CLASP2: variants seen among roughly 807,000 people sequenced by gnomAD.
The protein encoded by CLASP2 is CLIP-associating protein 2.
CLASP2 carries 47 observed loss-of-function variants against 194.4 expected under a neutral mutation model. The observed-to-expected ratio is 0.24, with a 90% CI of 0.19 to 0.31. The LOEUF is 0.31. Among genes scored for constraint, CLASP2 ranks in the 10% least tolerant of loss-of-function variants. CLASP2 has a pLI of 1.00. For missense variants in CLASP2, 1,445 were observed against 1,823.6 expected (o/e 0.79, Z 3.78); for synonymous variants, 619 against 633.5 (o/e 0.98, Z 0.34).
At chr3:33,515,419 C>G (rs532225826) in intron 36 of CLASP2, among the ~76,000 whole-genome samples, 1 of 152,282 alleles carries the variant, frequency 6.6e-6, no homozygotes, top group South Asian at 2.1e-4. Flanking sequence ...TATAGCTCCT[C>G]TAGGCAATTT....
chr3:33,648,102 AAAG>A (rs1229957134), intron 7 of CLASP2, among the ~76,000 whole-genome samples: 2 of 152,144 alleles, frequency 1.3e-5, no homozygotes, highest in African/African-American at 2.4e-5. Flanking sequence ...GATTAACTGA[AAAG>A]AAGAGATACA....
chr3:33,536,800 A>G (rs2057421767), intron 33 of CLASP2, among the ~76,000 whole-genome samples: 1 of 152,194 alleles, frequency 6.6e-6, no homozygotes, highest in African/African-American at 2.4e-5. Flanking sequence ...TCTGCAGTGG[A>G]GACAAAAGAT....
At chr3:33,575,024 G>T (rs1223342468) in intron 24 of CLASP2, among the ~76,000 whole-genome samples, 1 of 152,070 alleles carries the variant, frequency 6.6e-6, no homozygotes, top group Non-Finnish European at 1.5e-5. Flanking sequence ...TAACATTTAT[G>T]TAAGCAGAAT....
At position 33,544,782 on chromosome 3, in the gene CLASP2, T is replaced by C. The variant is rs758338577; in HGVS notation, c.3213A>G (p.Leu1071=). 3.1e-6 allele frequency: 5 copies of C among 1,613,470 alleles called. No individual in the cohort carries two copies. The South Asian group carries it at 4.4e-5, about 14-fold the overall frequency. The change falls in exon 31 of 39, where the codon TTA becomes TTG. Residue 1071 remains leucine (L), a synonymous_variant. Coordinates refer to ENST00000682230, the MANE Select transcript of CLASP2 (RefSeq NM_001365631.1). ...GAAAAGTTTTTGGTAAAGCTCCTAATAACATTGTAAACTCTGGGGTATTGA... is the reference window on the plus strand; with the variant it reads ...GAAAAGTTTTTGGTAAAGCTCCTAACAACATTGTAAACTCTGGGGTATTGA... The part of the protein sequence containing the change: ...FELNTPEFTM[L]LGALPKTFQD...
intron 34 of CLASP2, among the ~76,000 whole-genome samples, chr3:33,518,338 G>T (rs997294858): frequency 6.6e-6 from 1 of 152,178 alleles, no homozygotes; most frequent in Non-Finnish European, 1.5e-5. Flanking sequence ...AGGAATAACA[G>T]TTAAATCTAA....
intron 1 of CLASP2, among the ~76,000 whole-genome samples, chr3:33,702,209 C>T (rs989941436): frequency 6.6e-6 from 1 of 152,144 alleles, no homozygotes; most frequent in African/African-American, 2.4e-5. Context: ...AGTTGGAAGA[C>T]TCAAATTTCC....
intron 23 of CLASP2, chr3:33,577,251 A>T: frequency 1.9e-6 from 3 of 1,598,122 alleles, no homozygotes; most frequent in Non-Finnish European, 2.5e-6. Flanking sequence ...TTGATCTGGA[A>T]TGGTGTCTGG....
chr3:33,683,622 C>CA (rs1287343228), intron 6 of CLASP2: 3 of 151,958 alleles, frequency 2.0e-5, no homozygotes, highest in Non-Finnish European at 4.4e-5. Flanking sequence ...ACAAACAAAA[C>CA]AAAAAAAATT....
At chr3:33,551,503 C>T in intron 29 of CLASP2, 108 bp from the exon 30 acceptor site, 1 of 1,064,604 alleles carries the variant, frequency 9.4e-7, no homozygotes, top group Non-Finnish European at 1.3e-6. Flanking sequence ...TTTTTATATA[C>T]AGATAGGGTC....
At chr3:33,717,153 C>T (rs571137644) in intron 1 of CLASP2, among the ~76,000 whole-genome samples, 1 of 152,330 alleles carries the variant, frequency 6.6e-6, no homozygotes, top group East Asian at 1.9e-4. Context: ...TACTAAGACA[C>T]ATCAACCTAA....
At position 33,560,956 on chromosome 3, in the gene CLASP2, A is replaced by G. The variant is rs771299517; in HGVS notation, c.2782T>C (p.Leu928=). 30 of 1,613,722 alleles carry G rather than the reference A, an allele frequency of 1.9e-5. No individual in the cohort carries two copies. The highest frequency in any genetic ancestry group is 2.4e-5 in the Non-Finnish European group (28 of 1,179,806). The change falls in exon 28 of 39, where the codon TTG becomes CTG. Residue 928 remains leucine (L), a synonymous_variant. Coordinates refer to ENST00000682230, the MANE Select transcript of CLASP2 (RefSeq NM_001365631.1). The part of the protein sequence containing the change: ...PHGKRVFSMF[L]ETLVDFIQVH... Reference sequence around the variant, plus strand: ...TGTATGAAATCCACTAGAGTCTCCAAAAACATGCTGAATACCTACAGTTGA... The same window carrying G: ...TGTATGAAATCCACTAGAGTCTCCAGAAACATGCTGAATACCTACAGTTGA...
chr3:33,512,424 G>A (rs1264175567), intron 36 of CLASP2, among the ~76,000 whole-genome samples: 1 of 28,026 alleles, frequency 3.6e-5, no homozygotes, highest in Non-Finnish European at 6.4e-5. Context: ...GGGGGAGGGG[G>A]GAGGGATAGC....
intron 12 of CLASP2, among the ~76,000 whole-genome samples, chr3:33,612,585 ATCT>A (rs1168927833): frequency 6.6e-6 from 1 of 152,210 alleles, no homozygotes; most frequent in African/African-American, 2.4e-5. Context: ...TAAAGACATA[ATCT>A]TCTGATTTCT....
chr3:33,662,552 C>T (rs911267958), intron 7 of CLASP2, among the ~76,000 whole-genome samples: 4 of 152,200 alleles, frequency 2.6e-5, no homozygotes, highest in African/African-American at 9.6e-5. Flanking sequence ...CTAACACTCA[C>T]TTACTCCATC....
At chr3:33,614,307 A>T (rs2075730897) in intron 12 of CLASP2, among the ~76,000 whole-genome samples, 1 of 152,228 alleles carries the variant, frequency 6.6e-6, no homozygotes, top group Non-Finnish European at 1.5e-5. Flanking sequence ...AGCTGTTAAG[A>T]CAGAGACAAG....
intron 7 of CLASP2, among the ~76,000 whole-genome samples, chr3:33,654,010 C>T (rs2083683260): frequency 6.7e-6 from 1 of 149,138 alleles, no homozygotes. Context: ...AAAGAAGGCA[C>T]ATTCCCTTTG....
chr3:33,672,347 A>G (rs1218940215), intron 6 of CLASP2, among the ~76,000 whole-genome samples: 1 of 152,172 alleles, frequency 6.6e-6, no homozygotes, highest in Admixed American at 6.5e-5. Context: ...TCTGGAGTGG[A>G]CCTCTAGCAA....
chr3:33,625,380 AC>A (rs1456560436), intron 10 of CLASP2, among the ~76,000 whole-genome samples: 7 of 150,426 alleles, frequency 4.7e-5, no homozygotes, highest in Admixed American at 2.0e-4. Flanking sequence ...ACACACACAC[AC>A]ATTACATGTA....
At chr3:33,574,641 G>C in intron 24 of CLASP2, 1 of 482,554 alleles carries the variant, frequency 2.1e-6, no homozygotes. Context: ...CTGCTTATTA[G>C]CAGGCTGTGT....
Sources: allele counts gnomAD v4.1 joint callset (sites outside exome capture counted in the v4.1 genomes callset), GRCh38; gene constraint gnomAD v4.1.1; transcripts MANE v1.5; gene names NCBI Gene and HGNC (gene_info 2026-07-23, HGNC 2026-07-21).